The following PCCA variants were observed in gnomAD, a reference collection of about 807,000 sequenced individuals.
PCCA encodes propionyl-CoA carboxylase subunit alpha, also known as propionyl-CoA carboxylase alpha chain, mitochondrial.
A neutral mutation model predicts 101.3 loss-of-function variants in PCCA; 74 were observed. The observed-to-expected ratio is 0.73, with a 90% CI of 0.61 to 0.89. The LOEUF (loss-of-function observed/expected upper bound fraction) is 0.89. Ranked by LOEUF, PCCA falls within the 40% of genes least tolerant of loss-of-function variation. The pLI is 0.00. For missense variants in PCCA, 891 were observed against 907.0 expected (o/e 0.98, Z 0.23); for synonymous variants, 294 against 313.6 (o/e 0.94, Z 0.66).
At chr13:100,470,371 C>T (rs986669579) in intron 21 of PCCA, among the ~76,000 whole-genome samples, 1 of 152,064 alleles carries the variant, frequency 6.6e-6, no homozygotes, top group African/African-American at 2.4e-5. Flanking sequence ...TTATGGCGGG[C>T]ACCTCTCATC....
At chr13:100,227,763 A>G (rs112637259) in intron 7 of PCCA, among the ~76,000 whole-genome samples, 5 of 152,332 alleles carry the variant, frequency 3.3e-5, no homozygotes, top group African/African-American at 1.2e-4. Flanking sequence ...TTTATCACTT[A>G]GAAGAATAGA....
intron 21 of PCCA, among the ~76,000 whole-genome samples, chr13:100,472,659 A>G (rs2083107212): frequency 1.3e-5 from 2 of 152,066 alleles, no homozygotes; most frequent in Non-Finnish European, 2.9e-5. Context: ...GGTTTGAATA[A>G]TGATGGTGGG....
chr13:100,278,848 A>G (rs1480646195), intron 12 of PCCA, among the ~76,000 whole-genome samples: 1 of 152,134 alleles, frequency 6.6e-6, no homozygotes, highest in Non-Finnish European at 1.5e-5. Context: ...TGTTTTGTGT[A>G]TTGGATAGCT....
intron 1 of PCCA, among the ~76,000 whole-genome samples, chr13:100,092,534 G>A (rs184549092): frequency 9.2e-5 from 14 of 151,994 alleles, no homozygotes; most frequent in Admixed American, 2.6e-4. Context: ...AGGCACGTAC[G>A]ACCACACCTG....
intron 8 of PCCA, among the ~76,000 whole-genome samples, chr13:100,250,592 T>C (rs1413340047): frequency 1.3e-5 from 2 of 152,172 alleles, no homozygotes; most frequent in African/African-American, 4.8e-5. Context: ...GTAACAACTG[T>C]TTTAAGAGTC....
At chr13:100,503,327 C>T (rs866048717) in intron 21 of PCCA, among the ~76,000 whole-genome samples, 2 of 152,096 alleles carry the variant, frequency 1.3e-5, no homozygotes, top group Middle Eastern at 6.8e-3. Context: ...CCTGTCTCTA[C>T]TAAAAATACA....
chr13:100,519,319 C>T (rs769879299), intron 22 of PCCA, among the ~76,000 whole-genome samples: 3 of 152,216 alleles, frequency 2.0e-5, no homozygotes, highest in Admixed American at 6.5e-5. Flanking sequence ...CTTTTTCTTG[C>T]GAATTAGCCC....
intron 2 of PCCA, among the ~76,000 whole-genome samples, chr13:100,108,678 A>G (rs142140670): frequency 6.6e-6 from 1 of 152,198 alleles, no homozygotes; most frequent in Non-Finnish European, 1.5e-5. Context: ...GCCATATTTT[A>G]CTTTGAAGTT....
chr13:100,331,114 T>G (rs2152734883), intron 17 of PCCA, among the ~76,000 whole-genome samples: 1 of 152,264 alleles, frequency 6.6e-6, no homozygotes, highest in African/African-American at 2.4e-5. Flanking sequence ...TCTAGGAAGA[T>G]GATGATTTTA....
At chr13:100,323,870 A>C (rs1172034833) in intron 16 of PCCA, among the ~76,000 whole-genome samples, 1 of 152,148 alleles carries the variant, frequency 6.6e-6, no homozygotes, top group African/African-American at 2.4e-5. Flanking sequence ...GAGGAAACTA[A>C]AGCTTTGAGA....
intron 20 of PCCA, among the ~76,000 whole-genome samples, chr13:100,426,559 T>C (rs1470870379): frequency 2.0e-5 from 3 of 152,178 alleles, no homozygotes; most frequent in Admixed American, 2.0e-4. Flanking sequence ...CTGATTCTTA[T>C]CTACCTCTAT....
At chr13:100,512,145 C>T (rs751798390) in intron 21 of PCCA, among the ~76,000 whole-genome samples, 12 of 152,310 alleles carry the variant, frequency 7.9e-5, no homozygotes, top group African/African-American at 2.4e-4. Flanking sequence ...GGAAGAGCTG[C>T]GTGTCAGTTT....
chr13:100,352,399 CT>C (rs67318662), intron 18 of PCCA, among the ~76,000 whole-genome samples: 54,605 of 134,286 alleles, frequency 0.41, 10,051 homozygotes, highest in Middle Eastern at 0.52. Flanking sequence ...ACAAAATAGC[CT>C]TTTTTTTTTT....
chr13:100,292,018 G>A (rs1204799574), intron 12 of PCCA, among the ~76,000 whole-genome samples: 1 of 152,154 alleles, frequency 6.6e-6, no homozygotes, highest in African/African-American at 2.4e-5. Context: ...CAGCTGCTTA[G>A]TAACTCTGGG....
At chr13:100,412,680 T>G (rs949793992) in intron 19 of PCCA, among the ~76,000 whole-genome samples, 1 of 152,126 alleles carries the variant, frequency 6.6e-6, no homozygotes, top group South Asian at 2.1e-4. Flanking sequence ...TGTTTTTTTT[T>G]AAACCAGGGT....
chr13:100,519,868 G>A (rs1181351751), intron 22 of PCCA, among the ~76,000 whole-genome samples: 2 of 152,254 alleles, frequency 1.3e-5, no homozygotes, highest in African/African-American at 2.4e-5. Flanking sequence ...GCCCAGGCTC[G>A]CTCACTGCAT....
rs60686857 is a variant in PCCA at position 100,162,126 on chromosome 13, G to A, written c.468+4786G>A. On this transcript the variant is annotated intron_variant, in intron 6 of 23. Coordinates refer to ENST00000376285, the MANE Select transcript of PCCA (RefSeq NM_000282.4). ...TGTGTGTGTGTCTGTCTGTCTGCGT[G>A]TGCTAGAATTTTGCTATCATTTGTT... Among the ~76,000 whole-genome samples the A allele has an allele frequency of 7.7e-3, 1,169 of 151,850 alleles. 14 individuals carry two copies. The highest frequency in any genetic ancestry group is 0.027 in the African/African-American group (1,115 of 41,418).
intron 20 of PCCA, among the ~76,000 whole-genome samples, chr13:100,448,399 G>T (rs1050719253): frequency 1.3e-5 from 2 of 152,036 alleles, no homozygotes; most frequent in African/African-American, 4.8e-5. Flanking sequence ...CACCATATTG[G>T]CCAGGCTGGT....
chr13:100,143,443 G>A (rs2052138196), intron 4 of PCCA, among the ~76,000 whole-genome samples: 1 of 151,548 alleles, frequency 6.6e-6, no homozygotes, highest in East Asian at 2.0e-4. Context: ...GCTGAGGCAT[G>A]AGAATTGTTT....
Sources: gnomAD v4.1 joint callset for allele counts (sites outside exome capture counted in the v4.1 genomes callset) on GRCh38, gnomAD v4.1.1 for gene constraint, MANE v1.5 for transcripts, NCBI Gene and HGNC (gene_info 2026-07-23, HGNC 2026-07-21) for gene names.